STX11: variants seen among roughly 807,000 people sequenced by gnomAD.
STX11 encodes syntaxin-11.
Under a neutral mutation model 19.9 loss-of-function variants are expected in STX11, and 21 were observed. The ratio of observed to expected loss-of-function variants is 1.06; its 90% confidence interval spans 0.75 to 1.52. The LOEUF is 1.52. Ranked by LOEUF, STX11 falls within the 40% of genes most tolerant of loss-of-function variation. The pLI, the probability that STX11 is intolerant of heterozygous loss-of-function variation, is 0.00. For missense variants in STX11, 438 were observed against 405.9 expected, an observed-to-expected ratio of 1.08 and a Z score of -0.68; for synonymous variants, 193 against 174.4, an observed-to-expected ratio of 1.11 and a Z score of -0.84.
chr6:144,187,008 T>C lies in STX11; in HGVS notation c.381T>C (p.Ile127=). ...GCCCGCACTCGGCAGTGGCGCGCAT[T>C]TCGCGGGCGCAGTACAACGCGCTCA... ...QHGPHSAVAR[I]SRAQYNALTL... is the part of the protein sequence containing the mutation. The change falls in exon 2 of 2, where the codon ATT becomes ATC. Residue 127 remains isoleucine (I), a synonymous_variant. Transcript: ENST00000367568. The surrounding 1 kb of genome is among the most constrained non-coding windows in gnomAD (Gnocchi z 5.6). The C allele has an allele frequency of 4.3e-6, 7 of 1,611,088 alleles. No individual in the cohort carries two copies. In the South Asian group the frequency reaches 7.7e-5, roughly 18 times the overall value.
Position 144,186,838 on chromosome 6 carries a change from C to G in STX11, c.211C>G (p.Arg71Gly). The G allele has an allele frequency of 6.2e-7, 1 of 1,613,246 alleles. No individual in the cohort carries two copies. Residue 71 changes from arginine (R) to glycine (G), a missense_variant, in exon 2 of 2, where the codon CGC becomes GGC. Arg to Gly is a moderately radical substitution (Grantham distance 125). Coordinates refer to ENST00000367568, the MANE Select transcript of STX11 (RefSeq NM_003764.4). The part of the protein sequence containing the change: ...DVKRLGKQNA[R>G]FLTSMRRLSS... ...GAAGCGGCTGGGAAAGCAGAACGCC[C>G]GCTTCCTCACGTCCATGCGGCGCCT...
At chr6:144,185,845 T>G (rs1455790648) in intron 1 of STX11, among the ~76,000 whole-genome samples, 1 of 152,146 alleles carries the variant, frequency 6.6e-6, no homozygotes, top group Non-Finnish European at 1.5e-5. Flanking sequence ...TCAAGCATGT[T>G]TTACTTTTAC....
chr6:144,165,627 T>A lies in STX11; in HGVS notation c.-6+14924T>A, dbSNP rs1293391385. On this transcript the variant is annotated intron_variant, in intron 1 of 1. Coordinates refer to ENST00000367568, the MANE Select transcript of STX11 (RefSeq NM_003764.4). This position sits in a 1 kb window ranked among gnomAD's most constrained non-coding sequence, Gnocchi z 5.8. ...TGAGTTATAGGAGTAATATAAAAAC[T>A]AATAATAGAATCATTCTTTGGTTTT... is the stretch of plus-strand genomic sequence containing the variant. 1.3e-5 allele frequency among the ~76,000 whole-genome samples: 2 copies of A among 152,228 alleles called. No homozygotes were observed. The highest frequency in any genetic ancestry group is 2.9e-5 in the Non-Finnish European group (2 of 68,048).
At chr6:144,144,461 A>T in the STX11 span, among the ~76,000 whole-genome samples, 792 of 152,336 alleles carry the variant, frequency 5.2e-3, 4 homozygotes, top group African/African-American at 0.017. Context: ...AGTTCTGGAA[A>T]AGCTTATTCA....
At chr6:144,150,456 C>T (rs941835203), upstream of STX11, 4 of 972,486 alleles carry the variant, frequency 4.1e-6, no homozygotes, top group African/African-American at 1.8e-5. Context: ...CATCCCGGGG[C>T]GGGGCCTGGT....
Position 144,155,038 on chromosome 6 carries a change from T to C in STX11, c.-6+4335T>C, listed in dbSNP as rs1396168892. 6.6e-6 allele frequency among the ~76,000 whole-genome samples: 1 copy of C among 152,222 alleles called. No individual in the cohort carries two copies. The highest frequency in any genetic ancestry group is 1.5e-5 in the Non-Finnish European group (1 of 68,028). ...CTTGGATTAATATCCTGATTTTTGT[T>C]CAGCAATCAGGGACTAAGAATTGAT... On this transcript the variant is annotated intron_variant, in intron 1 of 1. Coordinates refer to ENST00000367568, the MANE Select transcript of STX11 (RefSeq NM_003764.4). This position sits in a 1 kb window ranked among gnomAD's most constrained non-coding sequence, Gnocchi z 4.5.
At chr6:144,149,089 G>A (rs942298976), upstream of STX11, among the ~76,000 whole-genome samples, 9 of 152,190 alleles carry the variant, frequency 5.9e-5, no homozygotes, top group Admixed American at 6.5e-5. The surrounding 1 kb of genome is among the most constrained non-coding windows in gnomAD (Gnocchi z 5.1). Flanking sequence ...AATGAGTCAC[G>A]ATTGTTGACG....
At chr6:144,140,209 CATATATATATATATATATATAT>C in the STX11 span, among the ~76,000 whole-genome samples, 113 of 44,458 alleles carry the variant, frequency 2.5e-3, 3 homozygotes, top group African/African-American at 6.3e-3. Context: ...GGTCAATTCA[CATATATATATATATATATATAT>C]ATATATATAT....
intron 1 of STX11, 76 bp from the exon 2 acceptor site, chr6:144,186,547 G>T: frequency 1.3e-6 from 2 of 1,597,716 alleles, no homozygotes; most frequent in Non-Finnish European, 1.7e-6. Flanking sequence ...TGAGTAAAAT[G>T]TTTAAGTTTC....
At position 144,178,781 on chromosome 6, in the gene STX11, A is replaced by G. The variant is rs148899409; in HGVS notation, c.-5-7842A>G. Among the ~76,000 whole-genome samples the G allele has an allele frequency of 1.9e-3, 296 of 152,280 alleles. 4 individuals carry two copies. The East Asian group carries it at 0.039, about 20-fold the overall frequency. ...AGCCTTTCAAATTTTGCTTTGAATG[A>G]GCCCTAAGACAATATTAAATGCGTT... On this transcript the variant is annotated intron_variant, in intron 1 of 1. Transcript: ENST00000367568.
At chr6:144,147,307 C>A (rs547957536), upstream of STX11, among the ~76,000 whole-genome samples, 1 of 152,338 alleles carries the variant, frequency 6.6e-6, no homozygotes, top group Admixed American at 6.5e-5. The surrounding 1 kb of genome is among the most constrained non-coding windows in gnomAD (Gnocchi z 4.2). Flanking sequence ...AAGCTCACCA[C>A]TGACCTCCAT....
upstream of STX11, chr6:144,150,395 G>C (rs1430228560): frequency 1.9e-5 from 14 of 730,032 alleles, no homozygotes; most frequent in East Asian, 1.6e-3. Flanking sequence ...ACTCTGGGTG[G>C]GGCGGGAACC....
rs1478688725 is a variant in STX11, at chr6:144,184,456, A to T, written c.-5-2167A>T. ...GTTCCCAGAATCCTTACCCATTTGA[A>T]AAAGTATTGTTTTTAAAAAATTCCT... On this transcript the variant is annotated intron_variant, in intron 1 of 1. Transcript: ENST00000367568. The surrounding 1 kb of genome is among the most constrained non-coding windows in gnomAD (Gnocchi z 6.5). 6.6e-6 allele frequency among the ~76,000 whole-genome samples: 1 copy of T among 152,260 alleles called. No homozygotes were observed. The highest frequency in any genetic ancestry group is 1.5e-5 in the Non-Finnish European group (1 of 68,046).
At chr6:144,147,717 C>G (rs1383325664), upstream of STX11, among the ~76,000 whole-genome samples, 3 of 152,186 alleles carry the variant, frequency 2.0e-5, no homozygotes, top group African/African-American at 7.2e-5. The surrounding 1 kb of genome is among the most constrained non-coding windows in gnomAD (Gnocchi z 4.2). Flanking sequence ...CCACAATTTA[C>G]TTTTTCAGGC....
chr6:144,179,645 G>C (rs938690011), intron 1 of STX11, among the ~76,000 whole-genome samples: 4 of 152,186 alleles, frequency 2.6e-5, no homozygotes, highest in African/African-American at 9.7e-5. Flanking sequence ...CCACAGATGA[G>C]AGAGACTGGC....
At chr6:144,149,467 GTTTTA>G (rs950333525), upstream of STX11, among the ~76,000 whole-genome samples, 1 of 152,020 alleles carries the variant, frequency 6.6e-6, no homozygotes, top group African/African-American at 2.4e-5. This position sits in a 1 kb window ranked among gnomAD's most constrained non-coding sequence, Gnocchi z 5.1. Context: ...TCGTTCTTTA[GTTTTA>G]TTTTTTTTCT....
At chr6:144,148,111 A>G (rs1584002577), upstream of STX11, among the ~76,000 whole-genome samples, 3 of 152,310 alleles carry the variant, frequency 2.0e-5, no homozygotes, top group Middle Eastern at 3.4e-3. Context: ...CAGCAACATC[A>G]TTTAGCTTCT....
Position 144,155,481 on chromosome 6 carries a change from G to A in STX11, c.-6+4778G>A, listed in dbSNP as rs1393740051. On this transcript the variant is annotated intron_variant, in intron 1 of 1. Transcript: ENST00000367568. The surrounding 1 kb of genome is among the most constrained non-coding windows in gnomAD (Gnocchi z 4.5). ...ATATTTATAGTTGCCCATGAAATGAGAGTGACATGAAGCCTCGCAGGGTAA... is the reference window on the plus strand; with the variant it reads ...ATATTTATAGTTGCCCATGAAATGAAAGTGACATGAAGCCTCGCAGGGTAA... Among the ~76,000 whole-genome samples the A allele has an allele frequency of 6.6e-6, 1 of 152,208 alleles. No homozygotes were observed. Among genetic ancestry groups the A allele is most frequent in the Non-Finnish European group, 1.5e-5 (1 of 68,044 alleles).
chr6:144,150,515 C>G (rs1391900842), upstream of STX11: 2 of 985,232 alleles, frequency 2.0e-6, no homozygotes, highest in Non-Finnish European at 2.4e-6. Context: ...CCGGCGGCGC[C>G]CAGATGCGGC....
Sources: allele counts gnomAD v4.1 joint callset (sites outside exome capture counted in the v4.1 genomes callset), GRCh38; gene constraint gnomAD v4.1.1; non-coding constraint Gnocchi (gnomAD v3.1); transcripts MANE v1.5; gene names NCBI Gene and HGNC (gene_info 2026-07-23, HGNC 2026-07-21).